Variants in LMNTD2 observed in about 807,000 individuals in gnomAD.
LMNTD2 encodes the protein lamin tail domain containing 2, also known as lamin tail domain-containing protein 2.
Under a neutral mutation model 70.1 loss-of-function variants are expected in LMNTD2, and 83 were observed. The ratio of observed to expected loss-of-function variants is 1.18; its 90% CI spans 0.99 to 1.42. The LOEUF (loss-of-function observed/expected upper bound fraction) is 1.42, where lower values mean the gene tolerates loss of function less well. LMNTD2 is among the 40% of genes most tolerant of loss of function. The pLI is 0.00. For missense variants in LMNTD2, 1,153 were observed against 905.9 expected, an observed-to-expected ratio of 1.27 and a Z score of -3.50; for synonymous variants, 534 against 406.1, an observed-to-expected ratio of 1.31 and a Z score of -3.79.
intron 1 of LMNTD2, 56 bp downstream of exon 1, chr11:560,627 C>T (rs1184809334): frequency 6.8e-5 from 91 of 1,337,152 alleles, no homozygotes; most frequent in Non-Finnish European, 8.5e-5. Flanking sequence ...GGCGGGAACC[C>T]GCCACACTAG....
At chr11:559,355 C>G (rs573824026) in intron 1 of LMNTD2, 4 of 1,345,456 alleles carry the variant, frequency 3.0e-6, no homozygotes, top group Middle Eastern at 2.0e-4. Flanking sequence ...ACCTGAGGCC[C>G]GACCTCCAAG....
chr11:557,798 C>T, intron 5 of LMNTD2, 86 bp downstream of exon 5: 1 of 1,515,100 alleles, frequency 6.6e-7, no homozygotes, highest in East Asian at 2.4e-5. Flanking sequence ...CCAGGCAGGC[C>T]AGGGCGCCCC....
rs140424352 is a variant in LMNTD2, at chr11:557,036, C to G, written c.775G>C (p.Glu259Gln). The G allele has an allele frequency of 3.2e-5, 51 of 1,609,574 alleles. No individual in the cohort carries two copies. The African/African-American group carries it at 5.5e-4, about 17-fold the overall frequency. ...CACTCCACGGTCTTGTGATGCCGCT[C>G]GGAATGCTTTCCAGAGGACTCTGGG... Reference protein sequence around the residue: ...GSPESSGKHSERHHKTVEWGS... With the variant: ...GSPESSGKHSQRHHKTVEWGS... Residue 259 changes from glutamate (E) to glutamine (Q), a missense_variant, in exon 8 of 14, where the codon GAG becomes CAG. Coordinates refer to ENST00000329451, the MANE Select transcript of LMNTD2 (RefSeq NM_173573.3).
chr11:559,452 G>A (rs1853141518), intron 1 of LMNTD2: 1 of 1,304,460 alleles, frequency 7.7e-7, no homozygotes, highest in South Asian at 1.2e-5. Flanking sequence ...GGAGCCTCCA[G>A]GGAGACCCCA....
Position 555,156 on chromosome 11 carries a change from C to CA in LMNTD2, c.1774-46_1774-45insT, listed in dbSNP as rs1852718302. On this transcript the variant is annotated intron_variant, in intron 13 of 13. Transcript: ENST00000329451. Reference sequence around the variant, plus strand: ...AGAGGCGCGCGGGGCGGGGCGGGGACGGGAGGGGAGGGGAGGGGAGGAGAG... The same window carrying CA: ...AGAGGCGCGCGGGGCGGGGCGGGGACAGGGAGGGGAGGGGAGGGGAGGAGAG... The CA allele has an allele frequency of 1.9e-5, 3 of 159,994 alleles. No homozygotes were observed. The African/African-American group carries it at 3.3e-4, about 17-fold the overall frequency. 9.9% of individuals were successfully genotyped at this position (159,994 alleles called of 1,614,324 possible). A position where few individuals can be genotyped will look rare whatever the true frequency, so the allele number is the denominator to read the frequency against.
chr11:555,850 G>C lies in LMNTD2; in HGVS notation c.1458C>G (p.Asp486Glu). The C allele has an allele frequency of 1.3e-6, 2 of 1,558,396 alleles. No individual in the cohort carries two copies. Among genetic ancestry groups the C allele is most frequent in the East Asian group, 2.6e-5 (1 of 38,250 alleles). ...GCCCGGCCTCAGGGAGCGGGAAGCG[G>C]TCGATGGACAAGTCGGTGCCGTCGG... ...VFADGTDLSI[D>E]RFPLPEAGPG... Residue 486 changes from aspartate to glutamate, a missense_variant, in exon 12 of 14, where the codon GAC (aspartate) becomes GAG (glutamate). Physicochemically the swap from Asp to Glu is conservative, Grantham distance 45 (BLOSUM62 2). Transcript: ENST00000329451.
rs750044556 is a variant in LMNTD2 at position 560,683 on chromosome 11, C to G, written c.34G>C (p.Glu12Gln). ...RWLRPAGRRR[E>Q]QESVSGHLGP... Reference sequence around the variant, plus strand: ...CCCAGGAGCGGGGCCAGACACCTACCCCGACGCCTGCCCGCGGGCCGCAGC... The same window carrying G: ...CCCAGGAGCGGGGCCAGACACCTACGCCGACGCCTGCCCGCGGGCCGCAGC... The change falls in exon 1 of 14, where the codon GAG becomes CAG. Residue 12 changes from glutamate to glutamine, a missense_variant and splice_region_variant. Physicochemically the swap from Glu to Gln is conservative, Grantham distance 29. Coordinates refer to ENST00000329451, the MANE Select transcript of LMNTD2 (RefSeq NM_173573.3). 5 of 1,439,740 alleles carry G rather than the reference C, an allele frequency of 3.5e-6. No homozygotes were observed. Among genetic ancestry groups the G allele is most frequent in the African/African-American group, 1.5e-5 (1 of 67,518 alleles). The allele number at this position is 1,439,740 out of a possible 1,614,324, so 89.2% of individuals were successfully genotyped here.
chr11:558,863 C>T lies in LMNTD2; in HGVS notation c.151G>A (p.Asp51Asn), dbSNP rs750490846. 1.5e-5 allele frequency: 24 copies of T among 1,603,710 alleles called. No homozygotes were observed. The East Asian group carries it at 2.2e-4, about 15-fold the overall frequency. Residue 51 changes from aspartate to asparagine, a missense_variant, in exon 2 of 14, where the codon GAC (aspartate) becomes AAC (asparagine). Asp to Asn is a conservative substitution (Grantham distance 23). Transcript: ENST00000329451. The part of the protein sequence containing the change: ...PHPAPVVCSA[D>N]PQLALESLDP... ...CCTCCCTCTCCTCCTTACTGCGGGT[C>T]GGCAGAGCAGACCACCGGTGCGGGG...
chr11:558,260 G>A lies in LMNTD2; in HGVS notation c.312-12C>T, dbSNP rs1589832116. On this transcript the variant is annotated splice_polypyrimidine_tract_variant and intron_variant, in intron 3 of 13. Transcript: ENST00000329451. ...GACTGTGGGAGCTCCTGGAGGAGGG[G>A]TGACCTCAGCAGCCCCCACCCTGCT... 3.1e-6 allele frequency: 5 copies of A among 1,612,888 alleles called. No homozygotes were observed. In the East Asian group the frequency reaches 1.1e-4, roughly 36 times the overall value.
At position 555,012 on chromosome 11, in the gene LMNTD2, G is replaced by A; in HGVS notation, c.1873C>T (p.Pro625Ser). Residue 625 changes from proline (P) to serine (S), a missense_variant, in exon 14 of 14, where the codon CCG becomes TCG. By Grantham distance (74) the Pro-to-Ser change is moderately conservative. Coordinates refer to ENST00000329451, the MANE Select transcript of LMNTD2 (RefSeq NM_173573.3). ...RFGFRFLSCL[P>S]VTADTCRGA ...CCGCGGCAGGTGTCCGCGGTGACCGGCAGGCAGCTGAGGAAGCGGAAGCCG... is the reference window on the plus strand; with the variant it reads ...CCGCGGCAGGTGTCCGCGGTGACCGACAGGCAGCTGAGGAAGCGGAAGCCG... 4 of 1,591,514 alleles carry A rather than the reference G, an allele frequency of 2.5e-6. No individual in the cohort carries two copies. The highest frequency in any genetic ancestry group is 3.4e-6 in the Non-Finnish European group (4 of 1,172,468).
chr11:559,705 C>T, intron 1 of LMNTD2: 1 of 1,143,128 alleles, frequency 8.7e-7, no homozygotes, highest in Non-Finnish European at 1.1e-6. Flanking sequence ...AAGCTGGGGA[C>T]TGTGCTGAAC....
rs1303546576 is a variant in LMNTD2 at position 555,945 on chromosome 11, G to A, written c.1378-15C>T. 3.5e-5 allele frequency: 54 copies of A among 1,555,544 alleles called. No individual in the cohort carries two copies. Among genetic ancestry groups the A allele is most frequent in the Non-Finnish European group, 4.2e-5 (49 of 1,159,448 alleles). ...TCACTGAGGACCTGCGGGGCGCGTC[G>A]GTCACCCCCACACCCCAGCCCCGGC... On this transcript the variant is annotated splice_polypyrimidine_tract_variant and intron_variant, in intron 11 of 13. Coordinates refer to ENST00000329451, the MANE Select transcript of LMNTD2 (RefSeq NM_173573.3).
rs1345155609 is a variant in LMNTD2 at position 556,955 on chromosome 11, T to C, written c.856A>G (p.Ser286Gly). Residue 286 changes from serine (S) to glycine (G), a missense_variant, in exon 8 of 14, where the codon AGC (serine) becomes GGC (glycine). Coordinates refer to ENST00000329451, the MANE Select transcript of LMNTD2 (RefSeq NM_173573.3). ...SSSGGADSDSSSCRPGLPSFV... is the reference protein window; with the variant it reads ...SSSGGADSDSGSCRPGLPSFV... ...GAAGGCAGGCCCGGCCGGCAGCTGC[T>C]GGAGTCGGAGTCAGCGCCCCCTGAG... The C allele has an allele frequency of 1.2e-6, 2 of 1,603,638 alleles. No individual in the cohort carries two copies. The highest frequency in any genetic ancestry group is 1.7e-6 in the Non-Finnish European group (2 of 1,178,472).
At chr11:557,724 G>T (rs1852990162) in intron 5 of LMNTD2, 84 bp from the exon 6 acceptor site, 2 of 1,599,936 alleles carry the variant, frequency 1.3e-6, no homozygotes, top group South Asian at 2.2e-5. Flanking sequence ...CCTGTGCTTT[G>T]AGGCCTCCTG....
chr11:557,710 C>G (rs1208287818), intron 5 of LMNTD2, 70 bp from the exon 6 acceptor site: 4 of 1,608,332 alleles, frequency 2.5e-6, no homozygotes, highest in South Asian at 1.1e-5. Flanking sequence ...CCTCTTTGAC[C>G]TCACCTGTGC....
At chr11:560,454 C>T (rs1367097091) in intron 1 of LMNTD2, 2 of 1,253,374 alleles carry the variant, frequency 1.6e-6, no homozygotes, top group South Asian at 3.2e-5. Flanking sequence ...CCACCTCCCT[C>T]GCCGGGACTG....
chr11:557,248 C>A, intron 7 of LMNTD2, 151 bp from the exon 8 acceptor site: 1 of 1,373,574 alleles, frequency 7.3e-7, no homozygotes, highest in Non-Finnish European at 9.9e-7. Flanking sequence ...TGCCTCAACC[C>A]CAACGCATTC....
chr11:560,262 TG>T, intron 1 of LMNTD2: 1 of 1,005,306 alleles, frequency 9.9e-7, no homozygotes, highest in Non-Finnish European at 1.2e-6. Context: ...TGCGGGGCCC[TG>T]GGCGGGACAG....
At chr11:555,665 C>G (rs556951612) in intron 12 of LMNTD2, 69 bp downstream of exon 12, 99 of 1,333,270 alleles carry the variant, frequency 7.4e-5, no homozygotes, top group Middle Eastern at 5.4e-4. Flanking sequence ...CGAGGGGATA[C>G]GAGGGACCGT....
Sources: allele counts gnomAD v4.1 joint callset, GRCh38; gene constraint gnomAD v4.1.1; transcripts MANE v1.5; gene names NCBI Gene and HGNC (gene_info 2026-07-23, HGNC 2026-07-21).